ARK2C: variants seen among roughly 807,000 people sequenced by gnomAD.
ARK2C encodes the protein E3 ubiquitin-protein ligase ARK2C.
chr18:46,407,489 G>A, the ARK2C span, among the ~76,000 whole-genome samples: 2 of 152,296 alleles, frequency 1.3e-5, no homozygotes, highest in South Asian at 4.1e-4. Context: ...TCACCCGACA[G>A]GACAGTGTTA....
At chr18:46,422,895 C>A in the ARK2C span, among the ~76,000 whole-genome samples, 1 of 152,178 alleles carries the variant, frequency 6.6e-6, no homozygotes, top group East Asian at 1.9e-4. Flanking sequence ...CTCAAATCCG[C>A]CTACTGGAAA....
the ARK2C span, among the ~76,000 whole-genome samples, chr18:46,374,815 A>T: frequency 3.9e-5 from 6 of 152,144 alleles, no homozygotes; most frequent in Non-Finnish European, 8.8e-5. Flanking sequence ...TCCTGGAGAC[A>T]CTTCCTGGGG....
the ARK2C span, among the ~76,000 whole-genome samples, chr18:46,446,188 T>TTG: frequency 1.3e-5 from 2 of 152,222 alleles, no homozygotes; most frequent in Non-Finnish European, 2.9e-5. Context: ...TCAATGATCT[T>TTG]TGCTTAGATC....
At chr18:46,367,774 G>C in the ARK2C span, among the ~76,000 whole-genome samples, 4 of 152,232 alleles carry the variant, frequency 2.6e-5, no homozygotes, top group Non-Finnish European at 4.4e-5. Context: ...TGTTAGGTTA[G>C]AGGTATGGCT....
the ARK2C span, among the ~76,000 whole-genome samples, chr18:46,412,929 T>A: frequency 6.0e-4 from 92 of 152,140 alleles, no homozygotes; most frequent in Non-Finnish European, 4.3e-4. Flanking sequence ...ACTAGGACCC[T>A]CAAAATCCCC....
At chr18:46,380,186 A>G in the ARK2C span, among the ~76,000 whole-genome samples, 1 of 152,198 alleles carries the variant, frequency 6.6e-6, no homozygotes, top group Non-Finnish European at 1.5e-5. Flanking sequence ...ATAAAATGGA[A>G]GACTGGATGG....
the ARK2C span, among the ~76,000 whole-genome samples, chr18:46,410,035 C>G: frequency 6.6e-6 from 1 of 152,138 alleles, no homozygotes; most frequent in Non-Finnish European, 1.5e-5. Flanking sequence ...AGAGGTTGCA[C>G]CAAATTATAA....
chr18:46,418,216 G>C, the ARK2C span, among the ~76,000 whole-genome samples: 1 of 152,058 alleles, frequency 6.6e-6, no homozygotes, highest in African/African-American at 2.4e-5. Context: ...AATTAGCTTT[G>C]TGTGGTCGCA....
chr18:46,405,051 T>A, the ARK2C span, among the ~76,000 whole-genome samples: 4 of 151,438 alleles, frequency 2.6e-5, no homozygotes, highest in Non-Finnish European at 5.9e-5. Flanking sequence ...CCCCACCAAT[T>A]TTTTTTTTGG....
At chr18:46,364,102 C>A in the ARK2C span, among the ~76,000 whole-genome samples, 1 of 151,708 alleles carries the variant, frequency 6.6e-6, no homozygotes, top group African/African-American at 2.4e-5. Flanking sequence ...CAGGGACCAC[C>A]ATGTCCGGCT....
chr18:46,439,523 T>C, the ARK2C span, among the ~76,000 whole-genome samples: 1 of 152,146 alleles, frequency 6.6e-6, no homozygotes, highest in African/African-American at 2.4e-5. Context: ...TGTGTCCTAA[T>C]TACCAGGGAC....
the ARK2C span, among the ~76,000 whole-genome samples, chr18:46,359,475 G>A: frequency 6.6e-6 from 1 of 152,140 alleles, no homozygotes; most frequent in Non-Finnish European, 1.5e-5. Context: ...AGCAGAGGGA[G>A]TAGCATCTTA....
At chr18:46,443,904 A>G in the ARK2C span, among the ~76,000 whole-genome samples, 1 of 152,332 alleles carries the variant, frequency 6.6e-6, no homozygotes, top group East Asian at 1.9e-4. Flanking sequence ...TAGTTTGAAG[A>G]ACTTTTTAAA....
chr18:46,410,061 T>A, the ARK2C span, among the ~76,000 whole-genome samples: 1 of 152,218 alleles, frequency 6.6e-6, no homozygotes, highest in Non-Finnish European at 1.5e-5. Flanking sequence ...CTGCCAACTG[T>A]GGGCCCTGCT....
chr18:46,350,979 G>T, the ARK2C span, among the ~76,000 whole-genome samples: 2 of 152,204 alleles, frequency 1.3e-5, no homozygotes, highest in Non-Finnish European at 2.9e-5. Flanking sequence ...TGCAGGAGGT[G>T]CAGCCATAAA....
the ARK2C span, among the ~76,000 whole-genome samples, chr18:46,410,017 C>T: frequency 3.9e-5 from 6 of 152,320 alleles, no homozygotes; most frequent in East Asian, 1.2e-3. Context: ...TGCCAAATCA[C>T]TCTCCTTAGA....
At chr18:46,418,807 T>C in the ARK2C span, among the ~76,000 whole-genome samples, 1 of 152,222 alleles carries the variant, frequency 6.6e-6, no homozygotes, top group African/African-American at 2.4e-5. Flanking sequence ...GGCAGGACTG[T>C]GAAGGGGAGA....
the ARK2C span, chr18:46,387,067 A>G: frequency 1.3e-5 from 2 of 152,298 alleles, no homozygotes; most frequent in African/African-American, 4.8e-5. Flanking sequence ...CTGGGTAAAG[A>G]GGCTGAGGAG....
At chr18:46,444,538 C>T in the ARK2C span, among the ~76,000 whole-genome samples, 5 of 152,096 alleles carry the variant, frequency 3.3e-5, no homozygotes, top group Non-Finnish European at 7.4e-5. Flanking sequence ...CATCACAGCT[C>T]ATTGTAGCCT....
Sources: gnomAD v4.1 joint callset for allele counts (sites outside exome capture counted in the v4.1 genomes callset) on GRCh38, gnomAD v4.1.1 for gene constraint, MANE v1.5 for transcripts, NCBI Gene and HGNC (gene_info 2026-07-23, HGNC 2026-07-21) for gene names.